The following SHISA6 variants were observed in gnomAD, a reference collection of about 807,000 sequenced individuals.
SHISA6 encodes the protein shisa family member 6.
A neutral mutation model predicts 47.9 loss-of-function variants in SHISA6; 22 were observed. The ratio of observed to expected loss-of-function variants is 0.46; its 90% CI spans 0.33 to 0.66. The LOEUF is 0.66. Among genes scored for constraint, SHISA6 ranks in the 30% least tolerant of loss-of-function variants. The pLI is 0.02. For synonymous variants in SHISA6, 388 were observed against 337.8 expected, an observed-to-expected ratio of 1.15 and a Z score of -1.63; for missense variants, 680 against 764.6, an observed-to-expected ratio of 0.89 and a Z score of 1.30.
chr17:11,526,146 A>C (rs1327124434), intron 3 of SHISA6, among the ~76,000 whole-genome samples: 1 of 147,178 alleles, frequency 6.8e-6, no homozygotes, highest in East Asian at 2.2e-4. Flanking sequence ...GTGTGGCCCA[A>C]ATATGGTTTC....
chr17:11,279,492 G>C (rs1484644062), intron 2 of SHISA6, among the ~76,000 whole-genome samples: 2 of 152,054 alleles, frequency 1.3e-5, no homozygotes, highest in Non-Finnish European at 2.9e-5. Context: ...TTCCTCCATA[G>C]TTTTCAGGAC....
intron 2 of SHISA6, among the ~76,000 whole-genome samples, chr17:11,279,982 A>G (rs1909066035): frequency 6.6e-6 from 1 of 152,212 alleles, no homozygotes; most frequent in African/African-American, 2.4e-5. Flanking sequence ...GAGGCTGGCC[A>G]GCACCCTCAG....
rs1349431036 is a variant in SHISA6, at chr17:11,493,566, T to TAC, written c.896-58327_896-58326dup. On this transcript the variant is annotated intron_variant, in intron 3 of 5. Coordinates refer to ENST00000441885, the MANE Select transcript of SHISA6 (RefSeq NM_207386.4). Reference sequence around the variant, plus strand: ...TACTTGTTTTTTGGTACCATGTGGATACACGCGTGCGCGCGCACACACACA... The same window carrying TAC: ...TACTTGTTTTTTGGTACCATGTGGATACACACGCGTGCGCGCGCACACACACA... Among the ~76,000 whole-genome samples, 4 of 131,542 alleles carry TAC rather than the reference T, an allele frequency of 3.0e-5. No individual in the cohort carries two copies. In the South Asian group the frequency reaches 1.0e-3, roughly 34 times the overall value. The allele number at this position is 131,542 out of a possible 152,430, so 86.3% of individuals were successfully genotyped here. A position where few individuals can be genotyped will look rare whatever the true frequency, so the allele number is the denominator to read the frequency against.
intron 1 of SHISA6, among the ~76,000 whole-genome samples, chr17:11,262,707 T>C: frequency 6.6e-6 from 1 of 152,232 alleles, no homozygotes; most frequent in Middle Eastern, 3.2e-3. Flanking sequence ...TCTCCTGCTA[T>C]GGCAGAGTCT....
intron 3 of SHISA6, among the ~76,000 whole-genome samples, chr17:11,473,201 T>C (rs1339392641): frequency 6.6e-6 from 1 of 152,250 alleles, no homozygotes; most frequent in Non-Finnish European, 1.5e-5. Flanking sequence ...TTCATGAATA[T>C]GCCTTTGTAT....
Position 11,334,205 on chromosome 17 carries a change from T to A in SHISA6, c.800-45209T>A, listed in dbSNP as rs12951581. On this transcript the variant is annotated intron_variant, in intron 2 of 5. Coordinates refer to ENST00000441885, the MANE Select transcript of SHISA6 (RefSeq NM_207386.4). ...AGAGTCCCAAGAAGGGAGCAGTCTC[T>A]TGGGACTGAGCCTGTAAGTGCTGAG... Among the ~76,000 whole-genome samples, 3 of 151,996 alleles carry A rather than the reference T, an allele frequency of 2.0e-5. No homozygotes were observed. The South Asian group carries it at 6.2e-4, about 32-fold the overall frequency.
intron 3 of SHISA6, among the ~76,000 whole-genome samples, chr17:11,533,979 T>TTTGC (rs1399644538): frequency 6.6e-6 from 1 of 151,182 alleles, no homozygotes; most frequent in Non-Finnish European, 1.5e-5. Context: ...CTTTTTTTTG[T>TTTGC]TTGTTTTTGT....
intron 2 of SHISA6, among the ~76,000 whole-genome samples, chr17:11,365,535 C>T (rs1912422590): frequency 6.6e-6 from 1 of 152,178 alleles, no homozygotes; most frequent in South Asian, 2.1e-4. Flanking sequence ...GCCTTGGCCT[C>T]CCAAAATGCT....
intron 3 of SHISA6, among the ~76,000 whole-genome samples, chr17:11,525,631 C>CAAGAAAAA (rs2071669790): frequency 1.7e-5 from 1 of 58,906 alleles, no homozygotes; most frequent in Admixed American, 2.5e-4. Context: ...GACTCCGTCT[C>CAAGAAAAA]AAAAAAAAAA....
intron 1 of SHISA6, among the ~76,000 whole-genome samples, chr17:11,259,346 G>A (rs147206217): frequency 0.012 from 1,885 of 152,272 alleles, 37 homozygotes; most frequent in African/African-American, 0.043. Flanking sequence ...TAGGGCTACC[G>A]ATGGCACATC....
intron 3 of SHISA6, among the ~76,000 whole-genome samples, chr17:11,539,050 C>T (rs915256115): frequency 6.6e-6 from 1 of 152,194 alleles, no homozygotes; most frequent in Non-Finnish European, 1.5e-5. Context: ...AAACAATTCT[C>T]CTGTCTCAGC....
At chr17:11,328,144 C>G (rs1421206955) in intron 2 of SHISA6, among the ~76,000 whole-genome samples, 1 of 152,096 alleles carries the variant, frequency 6.6e-6, no homozygotes, top group Non-Finnish European at 1.5e-5. Flanking sequence ...AAAACTATGT[C>G]AAGGCAACAA....
At chr17:11,260,788 C>T (rs952237241) in intron 1 of SHISA6, among the ~76,000 whole-genome samples, 1 of 151,968 alleles carries the variant, frequency 6.6e-6, no homozygotes, top group African/African-American at 2.4e-5. Flanking sequence ...CCTCTCTCCA[C>T]CTGTTTTCTC....
intron 1 of SHISA6, among the ~76,000 whole-genome samples, chr17:11,262,170 G>A (rs1381463243): frequency 6.6e-6 from 1 of 152,164 alleles, no homozygotes; most frequent in Non-Finnish European, 1.5e-5. Context: ...GGACCATTTT[G>A]TGAAGAAACT....
chr17:11,252,663 T>G lies in SHISA6; in HGVS notation c.638+10603T>G, dbSNP rs1267843920. On this transcript the variant is annotated intron_variant, in intron 1 of 5. Transcript: ENST00000441885. ...GAGTCGCCAGGGGAGTTTTCCCCAC[T>G]CAGTCCTAGGATCAGGCTCAGATAC... Among the ~76,000 whole-genome samples the G allele has an allele frequency of 3.9e-5, 6 of 152,184 alleles. No homozygotes were observed. In the East Asian group the frequency reaches 1.2e-3, roughly 29 times the overall value.
chr17:11,405,015 C>A (rs771046858), intron 3 of SHISA6, among the ~76,000 whole-genome samples: 20 of 152,216 alleles, frequency 1.3e-4, no homozygotes, highest in Middle Eastern at 3.4e-3. Flanking sequence ...GCCCTCTGTT[C>A]AACTTTATCT....
chr17:11,509,259 G>T (rs1001177040), intron 3 of SHISA6, among the ~76,000 whole-genome samples: 1 of 152,130 alleles, frequency 6.6e-6, no homozygotes, highest in East Asian at 1.9e-4. Flanking sequence ...GATTGTATTC[G>T]CAAGTCCATG....
At chr17:11,304,109 C>T (rs929502817) in intron 2 of SHISA6, among the ~76,000 whole-genome samples, 1 of 152,200 alleles carries the variant, frequency 6.6e-6, no homozygotes, top group Non-Finnish European at 1.5e-5. Flanking sequence ...GGGTAGTTTG[C>T]ACCTTTCCTG....
chr17:11,390,243 G>A (rs1305927557), intron 3 of SHISA6, among the ~76,000 whole-genome samples: 1 of 152,140 alleles, frequency 6.6e-6, no homozygotes, highest in Non-Finnish European at 1.5e-5. Flanking sequence ...TGGACTTCTG[G>A]CTCTAACCTT....
Sources: allele counts gnomAD v4.1 joint callset (sites outside exome capture counted in the v4.1 genomes callset), GRCh38; gene constraint gnomAD v4.1.1; transcripts MANE v1.5; gene names NCBI Gene and HGNC (gene_info 2026-07-23, HGNC 2026-07-21).